The following CDH4 variants were observed in gnomAD, a reference collection of about 807,000 sequenced individuals.
CDH4 encodes the protein cadherin 4.
A neutral mutation model predicts 86.0 loss-of-function variants in CDH4; 33 were observed. The observed-to-expected ratio is 0.38, with a 90% CI of 0.29 to 0.51. The LOEUF (loss-of-function observed/expected upper bound fraction) is 0.51, where lower values mean the gene tolerates loss of function less well. Among genes scored for constraint, CDH4 ranks in the 20% least tolerant of loss-of-function variants. CDH4 has a pLI of 0.86. For missense variants in CDH4, 1,114 were observed against 1,307.4 expected, an observed-to-expected ratio of 0.85 and a Z score of 2.28; for synonymous variants, 555 against 549.4, an observed-to-expected ratio of 1.01 and a Z score of -0.14.
intron 2 of CDH4, among the ~76,000 whole-genome samples, chr20:61,617,686 C>T (rs2086736638): frequency 6.6e-6 from 1 of 152,198 alleles, no homozygotes; most frequent in African/African-American, 2.4e-5. Context: ...CACAATCCTC[C>T]AAGAATCAGC....
chr20:61,349,691 C>A (rs2084698706), intron 2 of CDH4, among the ~76,000 whole-genome samples: 1 of 152,180 alleles, frequency 6.6e-6, no homozygotes, highest in Admixed American at 6.5e-5. Context: ...GTGAGGCACG[C>A]CCTTGTGTTA....
intron 2 of CDH4, among the ~76,000 whole-genome samples, chr20:61,291,959 T>C (rs2084323783): frequency 6.6e-6 from 1 of 152,186 alleles, no homozygotes; most frequent in Admixed American, 6.6e-5. Flanking sequence ...CATCAGTTCT[T>C]ATCATTTAGC....
At chr20:61,418,589 G>T (rs959890010) in intron 2 of CDH4, among the ~76,000 whole-genome samples, 29 of 152,156 alleles carry the variant, frequency 1.9e-4, no homozygotes, top group African/African-American at 7.0e-4. Context: ...TATCAGATGG[G>T]CTGATAATGG....
At chr20:61,538,661 G>C (rs1331600708) in intron 2 of CDH4, among the ~76,000 whole-genome samples, 1 of 152,222 alleles carries the variant, frequency 6.6e-6, no homozygotes, top group Non-Finnish European at 1.5e-5. Context: ...GCTGGGCACA[G>C]CTCCCAGTCC....
chr20:61,656,020 A>C (rs2087183663), intron 2 of CDH4, among the ~76,000 whole-genome samples: 1 of 152,174 alleles, frequency 6.6e-6, no homozygotes, highest in Non-Finnish European at 1.5e-5. Context: ...AGACCACATG[A>C]AGCCACATCA....
At chr20:61,733,068 CATGGACAG>C (rs3082052) in intron 2 of CDH4, among the ~76,000 whole-genome samples, 108,955 of 150,882 alleles carry the variant, frequency 0.72, 40,291 homozygotes, top group African/African-American at 0.89. Context: ...TGAGATGACG[CATGGACAG>C]ATGGACAGGA....
intron 2 of CDH4, among the ~76,000 whole-genome samples, chr20:61,675,973 CCCT>C (rs1351346725): frequency 6.6e-6 from 1 of 152,234 alleles, no homozygotes; most frequent in African/African-American, 2.4e-5. Context: ...CCCAGCTCTC[CCCT>C]CCTCCTGCCC....
At chr20:61,757,239 C>CG (rs1252392120) in intron 3 of CDH4, among the ~76,000 whole-genome samples, 9 of 152,120 alleles carry the variant, frequency 5.9e-5, no homozygotes, top group Non-Finnish European at 1.0e-4. Flanking sequence ...ACAGACCCCC[C>CG]CCCCAGCCCC....
intron 2 of CDH4, among the ~76,000 whole-genome samples, chr20:61,628,092 C>T (rs1447682216): frequency 6.6e-6 from 1 of 152,192 alleles, no homozygotes; most frequent in Non-Finnish European, 1.5e-5. Context: ...CCTGAGGAGG[C>T]TGGGTTTCTT....
In CDH4 at chr20:61,568,012, A is replaced by G. The variant is rs1465289387; in HGVS notation, c.170-175551A>G. Among the ~76,000 whole-genome samples the G allele has an allele frequency of 2.0e-5, 3 of 152,188 alleles. 1 individual carries two copies. The highest frequency in any genetic ancestry group is 2.0e-4 in the Admixed American group (3 of 15,266). On this transcript the variant is annotated intron_variant, in intron 2 of 15. Transcript: ENST00000614565. ...GAAAATATATTTAAAAATTTTAGGT[A>G]GTCATAGAGGAGATCAAAATAACAG...
rs1049335182 is a variant in CDH4 at position 61,322,531 on chromosome 20, A to C, written c.169+67594A>C. On this transcript the variant is annotated intron_variant, in intron 2 of 15. Transcript: ENST00000614565. ...GGATGAGTCCCTTCCTTGGTGCCTG[A>C]ATCCCCTCCTGGGTCCTGGTGTGTG... Among the ~76,000 whole-genome samples, 9 of 152,272 alleles carry C rather than the reference A, an allele frequency of 5.9e-5. No individual in the cohort carries two copies. The Middle Eastern group carries it at 0.01, about 173-fold the overall frequency.
At chr20:61,594,272 A>AG (rs1247188652) in intron 2 of CDH4, among the ~76,000 whole-genome samples, 1 of 30,184 alleles carries the variant, frequency 3.3e-5, no homozygotes, top group African/African-American at 1.4e-4. Context: ...GGAAGAGGGA[A>AG]GGGGGGCTGA....
At chr20:61,842,618 C>T (rs1982229349) in intron 4 of CDH4, among the ~76,000 whole-genome samples, 1 of 152,204 alleles carries the variant, frequency 6.6e-6, no homozygotes, top group Admixed American at 6.5e-5. Flanking sequence ...GAAGAAAACG[C>T]TTTAAAACAA....
At chr20:61,477,364 C>T (rs1161802871) in intron 2 of CDH4, among the ~76,000 whole-genome samples, 2 of 152,174 alleles carry the variant, frequency 1.3e-5, no homozygotes, top group East Asian at 1.9e-4. Flanking sequence ...TGAGGAATTA[C>T]GATGATGGTC....
intron 6 of CDH4, among the ~76,000 whole-genome samples, chr20:61,853,435 G>A (rs773483519): frequency 8.5e-5 from 13 of 152,148 alleles, no homozygotes; most frequent in South Asian, 2.1e-4. Flanking sequence ...CCACAGAGGC[G>A]ATCCCATGTG....
intron 2 of CDH4, among the ~76,000 whole-genome samples, chr20:61,385,035 G>C (rs543083385): frequency 6.3e-4 from 96 of 152,298 alleles, no homozygotes; most frequent in African/African-American, 2.0e-3. Context: ...GGGAGGTTTT[G>C]CATTAGCGAT....
At chr20:61,378,784 CT>C (rs1048008717) in intron 2 of CDH4, among the ~76,000 whole-genome samples, 2 of 152,132 alleles carry the variant, frequency 1.3e-5, no homozygotes, top group Non-Finnish European at 2.9e-5. Context: ...ATTTTTAGAA[CT>C]TTTTTTGGAA....
intron 2 of CDH4, among the ~76,000 whole-genome samples, chr20:61,283,590 G>T (rs2084276749): frequency 6.8e-6 from 1 of 147,886 alleles, no homozygotes. Flanking sequence ...GTGTGCTGTG[G>T]TGTGTGTGAT....
rs1426115482 is a variant in CDH4 at position 61,686,250 on chromosome 20, A to G, written c.170-57313A>G. 2.0e-5 allele frequency among the ~76,000 whole-genome samples: 3 copies of G among 152,262 alleles called. No individual in the cohort carries two copies. In the East Asian group the frequency reaches 5.8e-4, roughly 29 times the overall value. On this transcript the variant is annotated intron_variant, in intron 2 of 15. Transcript: ENST00000614565. ...GGTTTCCTTGCAGAGCTCTCTGCTAAGCACTAGCCAGTCTCCACATCTGCG... is the reference window on the plus strand; with the variant it reads ...GGTTTCCTTGCAGAGCTCTCTGCTAGGCACTAGCCAGTCTCCACATCTGCG...
Sources: allele counts gnomAD v4.1 joint callset (sites outside exome capture counted in the v4.1 genomes callset), GRCh38; gene constraint gnomAD v4.1.1; transcripts MANE v1.5; gene names NCBI Gene and HGNC (gene_info 2026-07-23, HGNC 2026-07-21).